Variants in LPIN1 observed in about 807,000 individuals in gnomAD.
LPIN1 encodes the protein phosphatidate phosphatase LPIN1.
LPIN1 carries 71 observed loss-of-function variants against 107.5 expected under a neutral mutation model. The observed-to-expected ratio is 0.66, with a 90% CI of 0.55 to 0.80. The LOEUF (loss-of-function observed/expected upper bound fraction) is 0.80. Among genes scored for constraint, LPIN1 ranks in the 30% least tolerant of loss-of-function variants. LPIN1 has a pLI of 0.00. For missense variants in LPIN1, 1,043 were observed against 1,160.6 expected (o/e 0.90, Z 1.47); for synonymous variants, 445 against 452.6 (o/e 0.98, Z 0.21).
intron 1 of LPIN1, among the ~76,000 whole-genome samples, chr2:11,727,419 A>G (rs1030718441): frequency 1.1e-4 from 16 of 152,130 alleles, no homozygotes; most frequent in Admixed American, 2.6e-4. Context: ...CCTCCTTACC[A>G]TAAGATCCTC....
chr2:11,794,057 G>A lies in LPIN1; in HGVS notation c.1807-1351G>A, dbSNP rs79952765. 2.6e-3 allele frequency among the ~76,000 whole-genome samples: 389 copies of A among 152,312 alleles called. 5 individuals carry two copies. Among genetic ancestry groups the A allele is most frequent in the African/African-American group, 9.0e-3 (373 of 41,572 alleles). On this transcript the variant is annotated intron_variant, in intron 13 of 20. Transcript: ENST00000674199. ...CCATTAGTTGAAAGGGAAAATGTTT[G>A]CTGGAAGAGTTTTATCAAGATATAA...
rs148499322 is a variant in LPIN1, at chr2:11,791,929, A to C, written c.1729A>C (p.Ile577Leu). ...KPLPKATVES[I>L]MRDKMPKKGG... ...TTTAAAACAGGCCACTGTGGAATCTATCATGAGGGATAAAATGCCCAAAAA... is the reference window on the plus strand; with the variant it reads ...TTTAAAACAGGCCACTGTGGAATCTCTCATGAGGGATAAAATGCCCAAAAA... The change falls in exon 13 of 21, where the codon ATC becomes CTC. Residue 577 changes from isoleucine to leucine, a missense_variant. Coordinates refer to ENST00000674199, the MANE Select transcript of LPIN1 (RefSeq NM_001349206.2). The C allele has an allele frequency of 6.2e-7, 1 of 1,613,906 alleles. No homozygotes were observed. Among genetic ancestry groups the C allele is most frequent in the Non-Finnish European group, 8.5e-7 (1 of 1,179,862 alleles).
At position 11,733,344 on chromosome 2, in the gene LPIN1, A is replaced by G. The variant is rs146383343; in HGVS notation, c.-71-8005A>G. ...AGCCTGGGCAGATGAATCTGGTTTT[A>G]GTGTGGCAATATGAAAGTGTATGGA... On this transcript the variant is annotated intron_variant, in intron 1 of 21. Coordinates refer to the LPIN1 transcript ENST00000396097. Among the ~76,000 whole-genome samples the G allele has an allele frequency of 4.2e-3, 638 of 152,328 alleles. 7 individuals carry two copies. The highest frequency in any genetic ancestry group is 0.015 in the African/African-American group (622 of 41,566).
At chr2:11,718,173 C>T (rs1027451344) in intron 2 of LPIN1, among the ~76,000 whole-genome samples, 1 of 152,126 alleles carries the variant, frequency 6.6e-6, no homozygotes, top group Non-Finnish European at 1.5e-5. Context: ...TCCTCTTTTA[C>T]AATAAGCAAA....
At chr2:11,760,044 G>T (rs1356690958) in intron 1 of LPIN1, among the ~76,000 whole-genome samples, 1 of 152,120 alleles carries the variant, frequency 6.6e-6, no homozygotes, top group Non-Finnish European at 1.5e-5. Context: ...CCCAGACGGG[G>T]TCGCGGCCGG....
intron 10 of LPIN1, among the ~76,000 whole-genome samples, chr2:11,785,937 A>G (rs552984970): frequency 6.6e-6 from 1 of 151,956 alleles, no homozygotes; most frequent in African/African-American, 2.4e-5. Flanking sequence ...CCATTCATTC[A>G]CTCAGTTTTC....
At chr2:11,744,791 C>A (rs114386088), upstream of LPIN1, among the ~76,000 whole-genome samples, 558 of 152,286 alleles carry the variant, frequency 3.7e-3, 6 homozygotes, top group African/African-American at 0.013. Flanking sequence ...TGGGGCCTTG[C>A]AACCTCAGCA....
intron 19 of LPIN1, 120 bp downstream of exon 19, chr2:11,819,718 G>A (rs1188962250): frequency 1.2e-6 from 1 of 811,324 alleles, no homozygotes; most frequent in Non-Finnish European, 2.2e-6. Context: ...AGAAGCAGTA[G>A]CCTGGTGAAG....
intron 11 of LPIN1, among the ~76,000 whole-genome samples, chr2:11,787,985 A>G (rs554069766): frequency 1.1e-4 from 17 of 152,190 alleles, no homozygotes; most frequent in Non-Finnish European, 1.9e-4. Context: ...TCTGAGGGCA[A>G]GGGATGTACA....
At chr2:11,795,362 C>T (rs999500383) in intron 13 of LPIN1, 46 bp from the exon 14 acceptor site, 1 of 1,513,764 alleles carries the variant, frequency 6.6e-7, no homozygotes. Context: ...TCTGCAAGCC[C>T]CTTCTCTGTG....
rs532397605 is a variant in LPIN1, at chr2:11,707,366, A to T, written c.82-6390A>T. Among the ~76,000 whole-genome samples the T allele has an allele frequency of 2.6e-5, 4 of 152,278 alleles. No homozygotes were observed. The East Asian group carries it at 7.7e-4, about 29-fold the overall frequency. On this transcript the variant is annotated intron_variant, in intron 1 of 21. Transcript: ENST00000449576. The surrounding 1 kb of genome is among the most constrained non-coding windows in gnomAD (Gnocchi z 4.2). ...AGGAACAGCTCATGCACAGTCTCTG[A>T]GGTGGAAGAAGCCACCATGGATGAT...
Position 11,819,537 on chromosome 2 carries a change from T to C in LPIN1, c.2456T>C (p.Ile819Thr), listed in dbSNP as rs763484606. ...EKFKVQCLTD[I>T]KNLFFPNTEP... ...TTTAAAGTCCAGTGTTTGACAGACA[T>C]CAAAAACCTGTTTTTCCCCAACACA... Residue 819 changes from isoleucine (I) to threonine (T), a missense_variant, in exon 19 of 21, where the codon ATC (isoleucine) becomes ACC (threonine). Transcript: ENST00000674199. The C allele has an allele frequency of 6.2e-7, 1 of 1,614,000 alleles. No homozygotes were observed. The highest frequency in any genetic ancestry group is 1.3e-5 in the African/African-American group (1 of 74,932).
At chr2:11,696,093 T>C (rs1183993948) in intron 1 of LPIN1, among the ~76,000 whole-genome samples, 1 of 147,336 alleles carries the variant, frequency 6.8e-6, no homozygotes, top group Non-Finnish European at 1.5e-5. Context: ...CCAGGATCCA[T>C]GCGGAGAACA....
intron 1 of LPIN1, among the ~76,000 whole-genome samples, chr2:11,747,001 T>C (rs989196638): frequency 2.6e-5 from 4 of 152,124 alleles, no homozygotes; most frequent in African/African-American, 9.7e-5. Context: ...TGCCGCGCAG[T>C]CCCAGAACCG....
intron 2 of LPIN1, among the ~76,000 whole-genome samples, chr2:11,716,045 C>T (rs1334327105): frequency 6.6e-6 from 1 of 152,128 alleles, no homozygotes; most frequent in African/African-American, 2.4e-5. Context: ...GTGAACTGCT[C>T]ATGGAACTTC....
intron 3 of LPIN1, among the ~76,000 whole-genome samples, chr2:11,769,148 T>G (rs980242702): frequency 6.6e-6 from 1 of 152,256 alleles, no homozygotes; most frequent in Non-Finnish European, 1.5e-5. Context: ...ACTGCCAGAC[T>G]GTGTTACAAA....
In LPIN1 at chr2:11,776,141, G is replaced by A; in HGVS notation, c.778G>A (p.Gly260Ser). The change falls in exon 6 of 21, where the codon GGT becomes AGT. Residue 260 changes from glycine (G) to serine (S), a missense_variant. Coordinates refer to ENST00000674199, the MANE Select transcript of LPIN1 (RefSeq NM_001349206.2). Reference protein sequence around the residue: ...APHLAVAAEGGLSSSCPPQSS... With the variant: ...APHLAVAAEGSLSSSCPPQSS... Reference sequence around the variant, plus strand: ...TCATCTTGCAGTTGCGGCCGAGGGAGGTCTGTCTAGTTCTTGCCCTCCACA... The same window carrying A: ...TCATCTTGCAGTTGCGGCCGAGGGAAGTCTGTCTAGTTCTTGCCCTCCACA... 6.5e-7 allele frequency: 1 copy of A among 1,548,258 alleles called. No homozygotes were observed. The highest frequency in any genetic ancestry group is 8.7e-7 in the Non-Finnish European group (1 of 1,145,470).
chr2:11,728,634 C>A (rs933703594), intron 1 of LPIN1, among the ~76,000 whole-genome samples: 2 of 152,128 alleles, frequency 1.3e-5, no homozygotes, highest in African/African-American at 4.8e-5. Flanking sequence ...CGTCTGCCTC[C>A]CAAAGTGCTG....
At chr2:11,686,899 A>G (rs899959617) in intron 1 of LPIN1, among the ~76,000 whole-genome samples, 3 of 151,796 alleles carry the variant, frequency 2.0e-5, no homozygotes, top group Admixed American at 2.0e-4. Flanking sequence ...TTTGGTGCTC[A>G]AAGGCAGGAT....
Sources: gnomAD v4.1 joint callset for allele counts (sites outside exome capture counted in the v4.1 genomes callset) on GRCh38, gnomAD v4.1.1 for gene constraint, Gnocchi (gnomAD v3.1) non-coding constraint, MANE v1.5 for transcripts, NCBI Gene and HGNC (gene_info 2026-07-23, HGNC 2026-07-21) for gene names.